Variants in UBE2U observed in about 807,000 individuals in gnomAD.
UBE2U encodes ubiquitin-conjugating enzyme E2 U.
A neutral mutation model predicts 41.2 loss-of-function variants in UBE2U; 39 were observed. The ratio of observed to expected loss-of-function variants is 0.95; its 90% CI spans 0.73 to 1.24. The LOEUF (loss-of-function observed/expected upper bound fraction) is 1.24, where lower values mean the gene tolerates loss of function less well. Ranked by LOEUF, UBE2U falls within the 50% of genes most tolerant of loss-of-function variation. The pLI, the probability that UBE2U is intolerant of heterozygous loss-of-function variation, is 0.00. For synonymous variants in UBE2U, 107 were observed against 117.8 expected, an observed-to-expected ratio of 0.91 and a Z score of 0.60; for missense variants, 336 against 363.1, an observed-to-expected ratio of 0.93 and a Z score of 0.61.
At chr1:64,246,869 C>A (rs551241709) in intron 8 of UBE2U, among the ~76,000 whole-genome samples, 1 of 152,128 alleles carries the variant, frequency 6.6e-6, no homozygotes, top group Non-Finnish European at 1.5e-5. Context: ...AGCTGAAATT[C>A]AAATGCAGGC....
intron 6 of UBE2U, among the ~76,000 whole-genome samples, chr1:64,224,458 C>T (rs568510489): frequency 4.6e-5 from 7 of 152,188 alleles, no homozygotes; most frequent in African/African-American, 1.7e-4. Flanking sequence ...TGCAGTGGCT[C>T]TTGCCTGTAA....
intron 7 of UBE2U, among the ~76,000 whole-genome samples, chr1:64,235,955 AAGAC>A (rs769143654): frequency 4.6e-5 from 7 of 152,284 alleles, no homozygotes; most frequent in African/African-American, 1.2e-4. Flanking sequence ...TGAGAAAACT[AAGAC>A]AGAAAAGCTA....
At chr1:64,265,423 A>G (rs1645241203) in intron 9 of UBE2U, among the ~76,000 whole-genome samples, 1 of 152,238 alleles carries the variant, frequency 6.6e-6, no homozygotes, top group Non-Finnish European at 1.5e-5. Context: ...GAAAATAAAT[A>G]GATGCTTTTC....
chr1:64,239,715 T>C (rs1285788256), intron 7 of UBE2U, among the ~76,000 whole-genome samples: 1 of 152,138 alleles, frequency 6.6e-6, no homozygotes, highest in Non-Finnish European at 1.5e-5. Context: ...TTTTTATGGC[T>C]GCATAGTATT....
intron 9 of UBE2U, among the ~76,000 whole-genome samples, chr1:64,266,276 CAT>C (rs1416367015): frequency 6.6e-6 from 1 of 152,224 alleles, no homozygotes; most frequent in Non-Finnish European, 1.5e-5. Flanking sequence ...CTTTGCATGA[CAT>C]ATGAGGCTTT....
intron 8 of UBE2U, among the ~76,000 whole-genome samples, chr1:64,245,414 C>G (rs1644904679): frequency 6.6e-6 from 1 of 152,218 alleles, no homozygotes; most frequent in Non-Finnish European, 1.5e-5. Flanking sequence ...ATGATTGCTT[C>G]TGTGACAACA....
At chr1:64,210,635 A>G in intron 3 of UBE2U, 107 bp from the exon 4 acceptor site, 1 of 693,112 alleles carries the variant, frequency 1.4e-6, no homozygotes, top group African/African-American at 1.9e-5. Context: ...ACTAGGAAAA[A>G]GGAAGAGTAA....
intron 9 of UBE2U, among the ~76,000 whole-genome samples, chr1:64,261,198 G>A (rs1645175707): frequency 6.6e-6 from 1 of 152,062 alleles, no homozygotes; most frequent in African/African-American, 2.4e-5. Context: ...CTGGTATAGA[G>A]GGGAAAGCAT....
chr1:64,207,181 C>T (rs891355300), intron 3 of UBE2U, among the ~76,000 whole-genome samples: 2 of 152,172 alleles, frequency 1.3e-5, no homozygotes, highest in Admixed American at 6.5e-5. Context: ...GACAGAGTCT[C>T]TCTCTGTCGC....
chr1:64,248,379 A>G (rs1027019279), intron 8 of UBE2U, among the ~76,000 whole-genome samples: 1 of 152,222 alleles, frequency 6.6e-6, no homozygotes, highest in Non-Finnish European at 1.5e-5. Context: ...GGCAGGAATG[A>G]GAAGGAAGCA....
At chr1:64,255,725 C>T (rs1443861663) in intron 8 of UBE2U, among the ~76,000 whole-genome samples, 3 of 152,160 alleles carry the variant, frequency 2.0e-5, no homozygotes, top group African/African-American at 7.2e-5. Context: ...TGCCCTCTCT[C>T]ACCGCTCCTA....
chr1:64,261,399 A>G (rs916552574), intron 9 of UBE2U, among the ~76,000 whole-genome samples: 1 of 152,204 alleles, frequency 6.6e-6, no homozygotes, highest in African/African-American at 2.4e-5. Context: ...CTCCATGTAT[A>G]GACAATTTCT....
At position 64,203,955 on chromosome 1, in the gene UBE2U, T is replaced by A. The variant is rs1569927592; in HGVS notation, c.-96T>A. On this transcript the variant is annotated 5_prime_UTR_variant, in exon 1 of 10. Coordinates refer to ENST00000371077, the MANE Select transcript of UBE2U (RefSeq NM_001366232.2). ...AGAAAGCAAGTAACTTATATCAGTTTACTAAGTGTGGGAAAGTGACCCATA... is the reference window on the plus strand; with the variant it reads ...AGAAAGCAAGTAACTTATATCAGTTAACTAAGTGTGGGAAAGTGACCCATA... 1 of 1,062,018 alleles carries A rather than the reference T, an allele frequency of 9.4e-7. No individual in the cohort carries two copies. Among genetic ancestry groups the A allele is most frequent in the African/African-American group, 1.6e-5 (1 of 62,858 alleles). The allele number at this position is 1,062,018 out of a possible 1,614,324, so 65.8% of individuals were successfully genotyped here.
intron 7 of UBE2U, among the ~76,000 whole-genome samples, chr1:64,236,926 A>T (rs889221460): frequency 6.6e-6 from 1 of 152,152 alleles, no homozygotes; most frequent in Non-Finnish European, 1.5e-5. Flanking sequence ...TTACATCAGG[A>T]TCTCTGGGAG....
intron 9 of UBE2U, among the ~76,000 whole-genome samples, chr1:64,263,611 C>T (rs552644628): frequency 2.1e-4 from 32 of 152,158 alleles, no homozygotes; most frequent in Middle Eastern, 3.4e-3. Context: ...TATTATGTAG[C>T]GAGAATGAAC....
intron 6 of UBE2U, among the ~76,000 whole-genome samples, chr1:64,222,970 A>T (rs1219767947): frequency 6.6e-6 from 1 of 152,222 alleles, no homozygotes; most frequent in East Asian, 1.9e-4. Context: ...CAGGAATTGA[A>T]GGTGACTTGA....
intron 8 of UBE2U, chr1:64,244,156 A>G: frequency 3.1e-6 from 5 of 1,609,160 alleles, no homozygotes; most frequent in Non-Finnish European, 4.2e-6. Flanking sequence ...TGGAAGCAGC[A>G]TAGGGGAAGA....
chr1:64,241,617 A>G, intron 7 of UBE2U, 35 bp from the exon 8 acceptor site: 1 of 1,450,700 alleles, frequency 6.9e-7, no homozygotes, highest in Non-Finnish European at 9.5e-7. Context: ...TAAAGAATGT[A>G]TGTATAGCTT....
At chr1:64,211,302 G>C (rs1040618422) in intron 4 of UBE2U, among the ~76,000 whole-genome samples, 4 of 152,138 alleles carry the variant, frequency 2.6e-5, no homozygotes, top group African/African-American at 9.7e-5. Flanking sequence ...TGTCCCAATA[G>C]TGTTCACATC....
Sources: allele counts gnomAD v4.1 joint callset (sites outside exome capture counted in the v4.1 genomes callset), GRCh38; gene constraint gnomAD v4.1.1; transcripts MANE v1.5; gene names NCBI Gene and HGNC (gene_info 2026-07-23, HGNC 2026-07-21).